The following FAM117B variants were observed in gnomAD, a reference collection of about 807,000 sequenced individuals.
FAM117B encodes family with sequence similarity 117 member B, also known as protein FAM117B.
In FAM117B, 22 loss-of-function variants were observed where a neutral mutation model predicts 52.8. That is an observed-to-expected ratio of 0.42 (90% confidence interval 0.30 to 0.59). The LOEUF is 0.59. FAM117B is among the 20% of genes least tolerant of loss of function. The pLI is 0.22. For missense variants in FAM117B, 678 were observed against 802.6 expected (o/e 0.84, Z 1.88); for synonymous variants, 309 against 324.1 (o/e 0.95, Z 0.50).
chr2:202,642,707 G>A (rs1689789807), intron 1 of FAM117B, among the ~76,000 whole-genome samples: 1 of 152,116 alleles, frequency 6.6e-6, no homozygotes, highest in Non-Finnish European at 1.5e-5. Flanking sequence ...TAAAAATTAG[G>A]ACTCATTTAT....
chr2:202,637,239 A>G (rs1437604489), intron 1 of FAM117B, among the ~76,000 whole-genome samples: 2 of 151,312 alleles, frequency 1.3e-5, no homozygotes, highest in African/African-American at 4.9e-5. Context: ...TGTTTTATTT[A>G]TGTATTTATT....
chr2:202,746,028 T>G lies in FAM117B; in HGVS notation c.961-9510T>G, dbSNP rs557345345. Among the ~76,000 whole-genome samples the G allele has an allele frequency of 3.3e-5, 5 of 152,244 alleles. 1 individual carries two copies. The East Asian group carries it at 9.6e-4, about 29-fold the overall frequency. ...AGACTTCAAGACCTCACTTTCAGCA[T>G]CAAACAGATCATCTATATAGAAAGT... On this transcript the variant is annotated intron_variant, in intron 4 of 7. Coordinates refer to ENST00000392238, the MANE Select transcript of FAM117B (RefSeq NM_173511.4).
chr2:202,681,148 A>G (rs1690458042), intron 1 of FAM117B, among the ~76,000 whole-genome samples: 1 of 152,184 alleles, frequency 6.6e-6, no homozygotes, highest in South Asian at 2.1e-4. Flanking sequence ...GATGCATATT[A>G]TAAAACCCTA....
intron 1 of FAM117B, among the ~76,000 whole-genome samples, chr2:202,695,388 C>T (rs186559590): frequency 7.2e-5 from 11 of 152,066 alleles, no homozygotes; most frequent in Non-Finnish European, 8.8e-5. Context: ...GACGAAATGT[C>T]TTGCTATCTC....
chr2:202,652,911 T>G (rs1166047792), intron 1 of FAM117B, among the ~76,000 whole-genome samples: 1 of 152,120 alleles, frequency 6.6e-6, no homozygotes, highest in Non-Finnish European at 1.5e-5. Flanking sequence ...TTGCAAGATT[T>G]AAGTGAGACT....
At chr2:202,734,327 GC>G (rs936674359) in intron 4 of FAM117B, among the ~76,000 whole-genome samples, 1 of 152,132 alleles carries the variant, frequency 6.6e-6, no homozygotes, top group African/African-American at 2.4e-5. Context: ...TTCAAGACCA[GC>G]CTGGGCAACA....
chr2:202,661,309 T>A (rs1342378508), intron 1 of FAM117B, among the ~76,000 whole-genome samples: 2 of 152,210 alleles, frequency 1.3e-5, no homozygotes, highest in Non-Finnish European at 2.9e-5. Flanking sequence ...CATCAACTTT[T>A]AATTTCAGAT....
At chr2:202,652,841 C>A (rs1414389104) in intron 1 of FAM117B, among the ~76,000 whole-genome samples, 2 of 152,178 alleles carry the variant, frequency 1.3e-5, no homozygotes, top group Non-Finnish European at 2.9e-5. Context: ...GACATTCTCT[C>A]TAGCAGTTAA....
chr2:202,635,842 G>A, intron 1 of FAM117B, 54 bp downstream of exon 1: 3 of 1,353,950 alleles, frequency 2.2e-6, no homozygotes, highest in Non-Finnish European at 2.9e-6. Flanking sequence ...AAGGGGTCCC[G>A]GGCGCGCGCT....
chr2:202,691,739 C>T (rs1049783214), intron 1 of FAM117B, among the ~76,000 whole-genome samples: 14 of 150,190 alleles, frequency 9.3e-5, no homozygotes, highest in Admixed American at 6.0e-4. Flanking sequence ...GACTAGTTTT[C>T]TTGCGACTAT....
chr2:202,764,034 G>A (rs11685819), intron 7 of FAM117B, among the ~76,000 whole-genome samples: 73,562 of 151,978 alleles, frequency 0.48, 18,580 homozygotes, highest in Middle Eastern at 0.62. Flanking sequence ...GCTGTGGACA[G>A]CTTTGGCAGT....
rs566284082 is a variant in FAM117B at position 202,714,539 on chromosome 2, T to C, written c.754-10378T>C. Reference sequence around the variant, plus strand: ...TGTTATATCTTTTTTTTTTCTTTTTTTTTTTTTTTTTATTGATCATTCTTG... The same window carrying C: ...TGTTATATCTTTTTTTTTTCTTTTTCTTTTTTTTTTTATTGATCATTCTTG... On this transcript the variant is annotated intron_variant, in intron 2 of 7. Coordinates refer to ENST00000392238, the MANE Select transcript of FAM117B (RefSeq NM_173511.4). Among the ~76,000 whole-genome samples the C allele has an allele frequency of 9.6e-5, 14 of 146,224 alleles. No homozygotes were observed. The South Asian group carries it at 1.3e-3, about 13-fold the overall frequency.
chr2:202,748,715 T>G (rs1691676032), intron 4 of FAM117B, among the ~76,000 whole-genome samples: 1 of 152,084 alleles, frequency 6.6e-6, no homozygotes, highest in Admixed American at 6.6e-5. Flanking sequence ...TTTTAAAAAG[T>G]TCATCTTTAC....
intron 2 of FAM117B, among the ~76,000 whole-genome samples, chr2:202,703,875 T>C (rs768112408): frequency 1.3e-5 from 2 of 152,212 alleles, no homozygotes; most frequent in Non-Finnish European, 2.9e-5. Context: ...CGATGTTTAG[T>C]TTTTAGAGGA....
intron 1 of FAM117B, among the ~76,000 whole-genome samples, chr2:202,649,106 G>T (rs13427168): frequency 0.081 from 12,382 of 152,072 alleles, 1,674 homozygotes; most frequent in African/African-American, 0.28. Context: ...ATTTTTCTTT[G>T]TGTTGTCAGA....
chr2:202,672,345 TG>T (rs919942263), intron 1 of FAM117B, among the ~76,000 whole-genome samples: 3 of 152,126 alleles, frequency 2.0e-5, no homozygotes, highest in African/African-American at 7.2e-5. Context: ...CCTGAGTCGC[TG>T]GGGTTACAGG....
intron 1 of FAM117B, among the ~76,000 whole-genome samples, chr2:202,652,599 A>T (rs1471619133): frequency 6.6e-6 from 1 of 152,192 alleles, no homozygotes; most frequent in Non-Finnish European, 1.5e-5. Flanking sequence ...ATATGGCCGT[A>T]TGTGGCTCTA....
At chr2:202,658,773 G>A (rs1466510245) in intron 1 of FAM117B, among the ~76,000 whole-genome samples, 3 of 152,050 alleles carry the variant, frequency 2.0e-5, no homozygotes, top group African/African-American at 4.8e-5. Flanking sequence ...TTTTTCACTG[G>A]CTCCTTTAGG....
chr2:202,719,809 G>A (rs1329035604), intron 2 of FAM117B, among the ~76,000 whole-genome samples: 1 of 152,120 alleles, frequency 6.6e-6, no homozygotes, highest in Non-Finnish European at 1.5e-5. Flanking sequence ...ATCTAGAGAA[G>A]TTCCTCAGCC....
Sources: gnomAD v4.1 joint callset for allele counts (sites outside exome capture counted in the v4.1 genomes callset) on GRCh38, gnomAD v4.1.1 for gene constraint, MANE v1.5 for transcripts, NCBI Gene and HGNC (gene_info 2026-07-23, HGNC 2026-07-21) for gene names.